RALGAPA1: variants seen among roughly 807,000 people sequenced by gnomAD.
The protein encoded by RALGAPA1 is Ral GTPase activating protein catalytic subunit alpha 1.
A neutral mutation model predicts 269.6 loss-of-function variants in RALGAPA1; 52 were observed. That is an observed-to-expected ratio of 0.19 (90% CI 0.15 to 0.24). The LOEUF (loss-of-function observed/expected upper bound fraction) is 0.24. Among genes scored for constraint, RALGAPA1 ranks in the 10% least tolerant of loss-of-function variants. The pLI, the probability that RALGAPA1 is intolerant of heterozygous loss-of-function variation, is 1.00. For missense variants in RALGAPA1, 1,917 were observed against 3,013.9 expected (o/e 0.64, Z 8.52); for synonymous variants, 817 against 1,008.3 (o/e 0.81, Z 3.60).
At chr14:35,596,147 T>A (rs11849406) in intron 36 of RALGAPA1, among the ~76,000 whole-genome samples, 6,220 of 152,052 alleles carry the variant, frequency 0.041, 362 homozygotes, top group African/African-American at 0.12. Context: ...AATGGTAATA[T>A]CAGTTTGACA....
At chr14:35,792,290 G>A (rs943343085) in intron 1 of RALGAPA1, among the ~76,000 whole-genome samples, 2 of 152,026 alleles carry the variant, frequency 1.3e-5, no homozygotes, top group African/African-American at 2.4e-5. Context: ...CTAGGTAGCT[G>A]GGATTACAGG....
At chr14:35,770,834 T>C (rs1408644126) in intron 4 of RALGAPA1, 108 bp downstream of exon 4, 2 of 401,728 alleles carry the variant, frequency 5.0e-6, no homozygotes, top group East Asian at 3.9e-5. Context: ...TATTTTCTTT[T>C]TATTAAAGCA....
At position 35,688,972 on chromosome 14, in the gene RALGAPA1, G is replaced by A. The variant is rs1356390657; in HGVS notation, c.3439C>T (p.Arg1147Ter). The stretch of plus-strand genomic sequence containing the variant: ...CTAAAAGTAACATGAACACTATTTC[G>A]TTTTTTAGTAGCAATTTTCATGATT... ...AKIMKIATKK[R>*]NSVHVTFRPS... The change falls in exon 18 of 42, where the codon CGA becomes TGA. Residue 1147 changes from arginine (R) to a stop codon, truncating the protein, a stop_gained. Transcript: ENST00000680220. LOFTEE classifies it high-confidence loss of function. 10 of 1,235,192 alleles carry A rather than the reference G, an allele frequency of 8.1e-6. No individual in the cohort carries two copies. Among genetic ancestry groups the A allele is most frequent in the African/African-American group, 3.1e-5 (2 of 64,430 alleles). The allele number at this position is 1,235,192 out of a possible 1,614,324, so 76.5% of individuals were successfully genotyped here.
At chr14:35,730,173 G>C (rs1472784571) in intron 12 of RALGAPA1, among the ~76,000 whole-genome samples, 1 of 152,152 alleles carries the variant, frequency 6.6e-6, no homozygotes, top group African/African-American at 2.4e-5. Context: ...TACCTGGAGC[G>C]GAGTAAATTT....
rs2140311078 is a variant in RALGAPA1, at chr14:35,678,008, C to A, written c.4566G>T (p.Lys1522Asn). ...STLNIDHMEQKDLQLDEKLHH... is the reference protein window; with the variant it reads ...STLNIDHMEQNDLQLDEKLHH... Reference sequence around the variant, plus strand: ...GGAGCTTCTCGTCGAGCTGCAGATCCTTCTGTTCCATGTGATCTATATTCA... The same window carrying A: ...GGAGCTTCTCGTCGAGCTGCAGATCATTCTGTTCCATGTGATCTATATTCA... The change falls in exon 22 of 42, where the codon AAG (lysine) becomes AAT (asparagine). Residue 1522 changes from lysine to asparagine, a missense_variant. Transcript: ENST00000680220. 3 of 1,613,628 alleles carry A rather than the reference C, an allele frequency of 1.9e-6. No individual in the cohort carries two copies. Among genetic ancestry groups the A allele is most frequent in the South Asian group, 2.2e-5 (2 of 90,950 alleles).
At chr14:35,602,653 G>A (rs867161625) in intron 36 of RALGAPA1, among the ~76,000 whole-genome samples, 4 of 151,682 alleles carry the variant, frequency 2.6e-5, no homozygotes, top group South Asian at 2.1e-4. Flanking sequence ...TTTTTAGTTG[G>A]GTATCTTCTA....
chr14:35,655,169 C>A (rs2063098790), intron 29 of RALGAPA1, among the ~76,000 whole-genome samples: 2 of 151,944 alleles, frequency 1.3e-5, no homozygotes, highest in Admixed American at 6.6e-5. Context: ...TAGCAATGTG[C>A]CTCATAGTAA....
In RALGAPA1 at chr14:35,674,038, A is replaced by G. The variant is rs901853564; in HGVS notation, c.4917+142T>C. ...TTTTAGTATGCACATTCTCTTCTCT[A>G]TATAATGCCTAATGACTTCCTAAGG... On this transcript the variant is annotated intron_variant, in intron 24 of 41. Coordinates refer to ENST00000680220, the MANE Select transcript of RALGAPA1 (RefSeq NM_001346249.2). The G allele has an allele frequency of 1.3e-5, 8 of 607,488 alleles. No individual in the cohort carries two copies. The Admixed American group carries it at 2.1e-4, about 16-fold the overall frequency. The allele number at this position is 607,488 out of a possible 1,614,324, so 37.6% of individuals were successfully genotyped here. A position where few individuals can be genotyped will look rare whatever the true frequency, so the allele number is the denominator to read the frequency against.
chr14:35,674,386 A>G (rs1322721670), intron 23 of RALGAPA1, 108 bp from the exon 24 acceptor site: 7 of 1,250,588 alleles, frequency 5.6e-6, no homozygotes, highest in South Asian at 4.6e-5. Context: ...TTTAATTACA[A>G]TTAAGTGACT....
chr14:35,738,442 G>T, intron 12 of RALGAPA1, 71 bp downstream of exon 12: 1 of 1,175,954 alleles, frequency 8.5e-7, no homozygotes, highest in Non-Finnish European at 1.2e-6. Context: ...AAAGTATACT[G>T]TATACTGAAA....
chr14:35,724,220 T>A (rs2069683542), intron 14 of RALGAPA1, among the ~76,000 whole-genome samples: 1 of 152,084 alleles, frequency 6.6e-6, no homozygotes. Context: ...CTAATGAAGT[T>A]AAGAGGAGTT....
At chr14:35,617,386 G>A (rs973327062) in intron 35 of RALGAPA1, among the ~76,000 whole-genome samples, 1 of 152,208 alleles carries the variant, frequency 6.6e-6, no homozygotes, top group African/African-American at 2.4e-5. Context: ...GGGAGGCTGA[G>A]GCAGGCAGAT....
intron 4 of RALGAPA1, among the ~76,000 whole-genome samples, chr14:35,763,257 A>T (rs1160186538): frequency 6.6e-6 from 1 of 152,156 alleles, no homozygotes; most frequent in East Asian, 1.9e-4. Flanking sequence ...AATAACATGA[A>T]CAAACCTGCA....
chr14:35,797,395 C>A (rs1333271399), intron 1 of RALGAPA1, among the ~76,000 whole-genome samples: 2 of 134,268 alleles, frequency 1.5e-5, no homozygotes, highest in African/African-American at 6.2e-5. Context: ...CTTTTTCAGA[C>A]AAACAAAAGC....
chr14:35,706,734 C>T (rs2067845264), intron 16 of RALGAPA1: 2 of 151,494 alleles, frequency 1.3e-5, no homozygotes, highest in South Asian at 4.2e-4. Flanking sequence ...ATCCTCCCAT[C>T]TCAGGCTCCC....
In RALGAPA1 at chr14:35,664,655, A is replaced by C; in HGVS notation, c.5315T>G (p.Phe1772Cys). 4 of 1,609,516 alleles carry C rather than the reference A, an allele frequency of 2.5e-6. No homozygotes were observed. The highest frequency in any genetic ancestry group is 3.4e-6 in the Non-Finnish European group (4 of 1,178,496). Residue 1772 changes from phenylalanine to cysteine, a missense_variant, in exon 27 of 42, where the codon TTT becomes TGT. By Grantham distance (205) the Phe-to-Cys change is radical (BLOSUM62 -2). Coordinates refer to ENST00000680220, the MANE Select transcript of RALGAPA1 (RefSeq NM_001346249.2). ...CTCATTTCTTACCTTAACATCTGTA[A>C]ACTGAGACACAGCAACATCAGGAAT... is the stretch of plus-strand genomic sequence containing the variant. ...PNIPDVAVSQ[F>C]TDVKELIIKT...
intron 22 of RALGAPA1, chr14:35,676,167 T>C (rs2064924576): frequency 6.6e-6 from 1 of 152,182 alleles, no homozygotes; most frequent in South Asian, 2.1e-4. Flanking sequence ...TAACAAAATT[T>C]TAAATGATTA....
chr14:35,672,623 G>T (rs2064566566), intron 25 of RALGAPA1, among the ~76,000 whole-genome samples: 1 of 152,088 alleles, frequency 6.6e-6, no homozygotes, highest in South Asian at 2.1e-4. Flanking sequence ...AAGTGAACTG[G>T]TTGGTACAAC....
At chr14:35,647,517 T>C (rs887462381) in intron 31 of RALGAPA1, among the ~76,000 whole-genome samples, 1 of 152,206 alleles carries the variant, frequency 6.6e-6, no homozygotes, top group African/African-American at 2.4e-5. Context: ...TGTCCATATG[T>C]AGTGTGCCAG....
Sources: gnomAD v4.1 joint callset for allele counts (sites outside exome capture counted in the v4.1 genomes callset) on GRCh38, gnomAD v4.1.1 for gene constraint, MANE v1.5 for transcripts, NCBI Gene and HGNC (gene_info 2026-07-23, HGNC 2026-07-21) for gene names.